The following LGR6 variants were observed in gnomAD, a reference collection of about 807,000 sequenced individuals.
LGR6 encodes leucine rich repeat containing G protein-coupled receptor 6.
Under a neutral mutation model 69.4 loss-of-function variants are expected in LGR6, and 45 were observed. That is an observed-to-expected ratio of 0.65 (90% CI 0.51 to 0.83). The LOEUF is 0.83. Ranked by LOEUF, LGR6 falls within the 40% of genes least tolerant of loss-of-function variation. The pLI is 0.00. For missense variants in LGR6, 1,108 were observed against 1,246.7 expected (o/e 0.89, Z 1.68); for synonymous variants, 538 against 555.0 (o/e 0.97, Z 0.43).
chr1:202,251,736 C>T (rs1265082084), intron 4 of LGR6, among the ~76,000 whole-genome samples: 3 of 152,248 alleles, frequency 2.0e-5, no homozygotes, highest in Non-Finnish European at 2.9e-5. Flanking sequence ...CCCCACTAGC[C>T]TGCCTCTCAG....
At chr1:202,237,603 T>C (rs1030015717) in intron 4 of LGR6, among the ~76,000 whole-genome samples, 8 of 152,166 alleles carry the variant, frequency 5.3e-5, no homozygotes, top group Admixed American at 3.3e-4. Context: ...ATGGAGCTTT[T>C]GGGCAATGCA....
At chr1:202,224,658 G>A (rs551319675) in intron 1 of LGR6, among the ~76,000 whole-genome samples, 114 of 152,274 alleles carry the variant, frequency 7.5e-4, no homozygotes, top group Non-Finnish European at 1.2e-3. Flanking sequence ...CCTCGCATGC[G>A]CAGTTCACAG....
At chr1:202,238,085 GTTTTGT>G (rs200086385) in intron 4 of LGR6, among the ~76,000 whole-genome samples, 2,390 of 150,648 alleles carry the variant, frequency 0.016, 25 homozygotes, top group Middle Eastern at 0.024. Flanking sequence ...TTTTTGTTTT[GTTTTGT>G]TTTTGTTTTT....
At chr1:202,194,502 C>T (rs781306364) in intron 1 of LGR6, 7 of 657,788 alleles carry the variant, frequency 1.1e-5, no homozygotes, top group African/African-American at 7.1e-5. Context: ...AGCGGGAGGG[C>T]GCGGGGCTGG....
At chr1:202,205,663 TCCC>T (rs1255071838) in intron 1 of LGR6, among the ~76,000 whole-genome samples, 1 of 94,570 alleles carries the variant, frequency 1.1e-5, no homozygotes, top group South Asian at 3.7e-4. Context: ...CACGCACACC[TCCC>T]TCAAACATAC....
intron 1 of LGR6, among the ~76,000 whole-genome samples, chr1:202,211,364 G>GT (rs532426681): frequency 4.6e-5 from 7 of 152,288 alleles, no homozygotes; most frequent in African/African-American, 1.7e-4. Flanking sequence ...TTCAGAGTTT[G>GT]TTTTTTTGAG....
At chr1:202,277,009 C>A (rs1356482283) in intron 5 of LGR6, among the ~76,000 whole-genome samples, 1 of 152,056 alleles carries the variant, frequency 6.6e-6, no homozygotes, top group African/African-American at 2.4e-5. Context: ...CTGTAATTAC[C>A]TGGGAGATAG....
chr1:202,265,706 G>T (rs1664590446), intron 4 of LGR6, among the ~76,000 whole-genome samples: 1 of 152,134 alleles, frequency 6.6e-6, no homozygotes, highest in African/African-American at 2.4e-5. Context: ...TTCCTCCCTG[G>T]TTAAGTGGGG....
At chr1:202,294,964 A>T (rs1271062535) in intron 6 of LGR6, among the ~76,000 whole-genome samples, 1 of 152,216 alleles carries the variant, frequency 6.6e-6, no homozygotes, top group African/African-American at 2.4e-5. Flanking sequence ...TGCTAGGCCT[A>T]TGGAATAGCA....
In LGR6 at chr1:202,318,399, T is replaced by A; in HGVS notation, c.2096T>A (p.Leu699Gln). Residue 699 changes from leucine (L) to glutamine (Q), a missense_variant, in exon 18 of 18, where the codon CTG becomes CAG. Transcript: ENST00000367278. Reference sequence around the variant, plus strand: ...CTAGGCTGCCTGGCACTGGCAGGGCTGGCCGCCGCGCTGCCCCTGGCCTCA... The same window carrying A: ...CTAGGCTGCCTGGCACTGGCAGGGCAGGCCGCCGCGCTGCCCCTGGCCTCA... ...GVLGCLALAG[L>Q]AAALPLASVG... is the part of the protein sequence containing the mutation. The A allele has an allele frequency of 6.2e-7, 1 of 1,604,678 alleles. No homozygotes were observed.
chr1:202,295,870 A>AGTGTGTGTGTGTGT (rs10522809), intron 6 of LGR6, among the ~76,000 whole-genome samples: 46 of 144,040 alleles, frequency 3.2e-4, no homozygotes, highest in South Asian at 4.5e-4. Flanking sequence ...TTGGGTAATT[A>AGTGTGTGTGTGTGT]GTGTGTGTGT....
At chr1:202,311,932 C>T (rs527667921) in intron 16 of LGR6, among the ~76,000 whole-genome samples, 25 of 152,248 alleles carry the variant, frequency 1.6e-4, no homozygotes, top group Non-Finnish European at 3.1e-4. Context: ...TATGAGGACC[C>T]GATGAGGAGC....
chr1:202,255,404 A>G (rs978651123), intron 4 of LGR6, among the ~76,000 whole-genome samples: 3 of 152,118 alleles, frequency 2.0e-5, no homozygotes, highest in African/African-American at 4.8e-5. Context: ...TGTATAGGAA[A>G]TCCAGGCAAA....
At position 202,310,336 on chromosome 1, in the gene LGR6, G is replaced by T. The variant is rs6668765; in HGVS notation, c.1546G>T (p.Ala516Ser). 9.8e-3 allele frequency: 15,819 copies of T among 1,613,650 alleles called. 1,209 individuals carry two copies. In the African/African-American group the frequency reaches 0.17, roughly 18 times the overall value. ...ESSKRPLGLL[A>S]RQAENHYDQD... Reference sequence around the variant, plus strand: ...TTCAAAAAGGCCCCTGGGCCTCCTTGCCAGACAAGCAGAGAACCACTGTGA... The same window carrying T: ...TTCAAAAAGGCCCCTGGGCCTCCTTTCCAGACAAGCAGAGAACCACTGTGA... The change falls in exon 16 of 18, where the codon GCC becomes TCC. Residue 516 changes from alanine (A) to serine (S), a missense_variant. Transcript: ENST00000367278.
At chr1:202,290,263 C>T (rs1374563898) in intron 6 of LGR6, among the ~76,000 whole-genome samples, 1 of 152,182 alleles carries the variant, frequency 6.6e-6, no homozygotes, top group East Asian at 1.9e-4. Flanking sequence ...CCTGTTGGTG[C>T]ACAGAAGGCA....
At chr1:202,199,575 C>T (rs1284920206) in intron 1 of LGR6, among the ~76,000 whole-genome samples, 4 of 149,648 alleles carry the variant, frequency 2.7e-5, no homozygotes, top group Admixed American at 6.7e-5. Flanking sequence ...CCCACCCCCA[C>T]TCCACCCCGC....
At chr1:202,234,067 TG>T (rs1661314970) in intron 3 of LGR6, among the ~76,000 whole-genome samples, 1 of 152,344 alleles carries the variant, frequency 6.6e-6, no homozygotes, top group Middle Eastern at 3.4e-3. Context: ...AAGGCCCCTC[TG>T]GCATTGGGTG....
intron 1 of LGR6, among the ~76,000 whole-genome samples, chr1:202,213,017 G>C (rs1187098243): frequency 6.6e-6 from 1 of 152,184 alleles, no homozygotes; most frequent in African/African-American, 2.4e-5. Context: ...CTGTCCAGCA[G>C]TATCTGTGGG....
intron 1 of LGR6, among the ~76,000 whole-genome samples, chr1:202,204,526 CACACACACCTCCTTCAA>C (rs1658994577): frequency 2.8e-4 from 1 of 3,602 alleles, no homozygotes; most frequent in Non-Finnish European, 5.8e-4. Context: ...CACCTCCAAA[CACACACACCTCCTTCAA>C]ACACACACAC....
Sources: allele counts gnomAD v4.1 joint callset (sites outside exome capture counted in the v4.1 genomes callset), GRCh38; gene constraint gnomAD v4.1.1; transcripts MANE v1.5; gene names NCBI Gene and HGNC (gene_info 2026-07-23, HGNC 2026-07-21).